SNAPC3: variants seen among roughly 807,000 people sequenced by gnomAD.
The protein encoded by SNAPC3 is small nuclear RNA activating complex polypeptide 3.
In SNAPC3, 56 loss-of-function variants were observed where a neutral mutation model predicts 47.7. The observed-to-expected ratio is 1.18, with a 90% CI of 0.95 to 1.47. The LOEUF is 1.47. SNAPC3 is among the 40% of genes most tolerant of loss of function. The pLI is 0.00. For synonymous variants in SNAPC3, 235 were observed against 189.9 expected, an observed-to-expected ratio of 1.24 and a Z score of -1.95; for missense variants, 665 against 511.3, an observed-to-expected ratio of 1.30 and a Z score of -2.90.
chr9:15,430,131 C>G (rs1483312414), intron 2 of SNAPC3, among the ~76,000 whole-genome samples: 4 of 152,192 alleles, frequency 2.6e-5, no homozygotes, highest in African/African-American at 7.2e-5. Context: ...ACATTCATAA[C>G]ATAGAATATT....
chr9:15,426,321 A>G (rs1454287777), intron 2 of SNAPC3, among the ~76,000 whole-genome samples: 1 of 152,124 alleles, frequency 6.6e-6, no homozygotes, highest in Non-Finnish European at 1.5e-5. Flanking sequence ...AGTCTTAGCT[A>G]AAGGACTACG....
At position 15,458,079 on chromosome 9, in the gene SNAPC3, T is replaced by G. The variant is rs760949409; in HGVS notation, c.1088+12T>G. 5.2e-6 allele frequency: 7 copies of G among 1,347,504 alleles called. No individual in the cohort carries two copies. In the East Asian group the frequency reaches 1.8e-4, roughly 35 times the overall value. The allele number at this position is 1,347,504 out of a possible 1,614,324, so 83.5% of individuals were successfully genotyped here. On this transcript the variant is annotated intron_variant, in intron 8 of 8. Transcript: ENST00000380821. The stretch of plus-strand genomic sequence containing the variant: ...ATGTATACAGCCAGGTGAGTGATAA[T>G]GTATTTTTTTTTTTCTCTGAGAAAT...
intron 5 of SNAPC3, among the ~76,000 whole-genome samples, chr9:15,447,598 A>G (rs1345732771): frequency 1.3e-5 from 2 of 151,882 alleles, no homozygotes; most frequent in African/African-American, 4.8e-5. Flanking sequence ...ATCTCAGCTC[A>G]ATAGTGACCA....
At chr9:15,442,327 GGCTGGACGGGGCGGCT>G (rs1007400970) in intron 3 of SNAPC3, among the ~76,000 whole-genome samples, 1 of 149,596 alleles carries the variant, frequency 6.7e-6, no homozygotes, top group African/African-American at 2.5e-5. Context: ...CAGGGAGGCT[GGCTGGACGGGGCGGCT>G]GCCGGGCAGA....
chr9:15,459,547 TTGG>T (rs774322244), intron 8 of SNAPC3, among the ~76,000 whole-genome samples, 169 bp from the exon 9 acceptor site: 9 of 152,302 alleles, frequency 5.9e-5, no homozygotes, highest in South Asian at 2.1e-4. Context: ...AGAGAGAGTA[TTGG>T]TGGTGATGTA....
chr9:15,447,517 G>GT (rs60318769), intron 5 of SNAPC3, among the ~76,000 whole-genome samples: 105,735 of 150,290 alleles, frequency 0.7, 39,214 homozygotes, highest in Admixed American at 0.82. Flanking sequence ...TTTCTTTTTT[G>GT]TTTTTTTTTG....
At chr9:15,428,553 A>G (rs991985358) in intron 2 of SNAPC3, among the ~76,000 whole-genome samples, 10 of 152,056 alleles carry the variant, frequency 6.6e-5, no homozygotes, top group African/African-American at 2.4e-4. Flanking sequence ...TACTCCAAAC[A>G]GAATTGAATA....
chr9:15,459,820 G>A lies in SNAPC3; in HGVS notation c.1190G>A (p.Gly397Glu). 6 of 1,613,436 alleles carry A rather than the reference G, an allele frequency of 3.7e-6. No individual in the cohort carries two copies. The highest frequency in any genetic ancestry group is 4.2e-6 in the Non-Finnish European group (5 of 1,179,750). The change falls in exon 9 of 9, where the codon GGG (glycine) becomes GAG (glutamate). Residue 397 changes from glycine to glutamate, a missense_variant. Transcript: ENST00000380821. Reference sequence around the variant, plus strand: ...TATGATTCAGAAGGCAACAAACTGGGGGAATTCCTTGCTTATCCTTATGTT... The same window carrying A: ...TATGATTCAGAAGGCAACAAACTGGAGGAATTCCTTGCTTATCCTTATGTT... ...LHYDSEGNKL[G>E]EFLAYPYVDP...
At chr9:15,455,425 G>T (rs1020608194) in intron 7 of SNAPC3, among the ~76,000 whole-genome samples, 11 of 152,162 alleles carry the variant, frequency 7.2e-5, no homozygotes, top group African/African-American at 2.7e-4. Flanking sequence ...AAATTAGCCA[G>T]GTGTGGTGAT....
chr9:15,439,081 C>T (rs554443374), intron 3 of SNAPC3, among the ~76,000 whole-genome samples: 17 of 152,176 alleles, frequency 1.1e-4, no homozygotes, highest in African/African-American at 3.1e-4. Context: ...GCCATCACTG[C>T]GCATTGCTGC....
intron 3 of SNAPC3, among the ~76,000 whole-genome samples, chr9:15,443,397 GTT>G (rs1015750384): frequency 2.0e-5 from 3 of 152,132 alleles, no homozygotes; most frequent in African/African-American, 7.2e-5. Flanking sequence ...TGATTTATAT[GTT>G]TTTTTGAGAA....
intron 2 of SNAPC3, among the ~76,000 whole-genome samples, chr9:15,424,393 G>T (rs952185747): frequency 1.3e-5 from 2 of 151,910 alleles, no homozygotes; most frequent in Non-Finnish European, 2.9e-5. Context: ...TTAGATCTGG[G>T]GGGCAACCTA....
intron 7 of SNAPC3, chr9:15,453,410 G>T (rs891032061): frequency 2.2e-6 from 1 of 444,786 alleles, no homozygotes; most frequent in Non-Finnish European, 3.9e-6. Flanking sequence ...CATTATTTTG[G>T]AAAATCTTTA....
chr9:15,443,622 T>C (rs374207287), intron 3 of SNAPC3, among the ~76,000 whole-genome samples: 114 of 152,306 alleles, frequency 7.5e-4, no homozygotes, highest in African/African-American at 2.4e-3. Context: ...TCTTCCAATA[T>C]AGATCCTGCT....
In SNAPC3 at chr9:15,435,429, C is replaced by T. The variant is rs371539637; in HGVS notation, c.477+1793C>T. ...CTCTACTAAAAATACAAAAATTAGC[C>T]GGGCGTGGTGGCATCCCCCTGTAAT... On this transcript the variant is annotated intron_variant, in intron 3 of 8. Transcript: ENST00000380821. Among the ~76,000 whole-genome samples the T allele has an allele frequency of 3.9e-5, 6 of 152,158 alleles. No individual in the cohort carries two copies. In the East Asian group the frequency reaches 9.7e-4, roughly 25 times the overall value.
chr9:15,424,036 CATT>C (rs1563836434), intron 2 of SNAPC3, 50 bp downstream of exon 2: 6 of 1,112,514 alleles, frequency 5.4e-6, no homozygotes, highest in Admixed American at 2.5e-5. Flanking sequence ...ATTTTTTCAA[CATT>C]ATGTTTTGAA....
intron 2 of SNAPC3, among the ~76,000 whole-genome samples, chr9:15,430,437 CAAAAAG>C (rs1259281857): frequency 6.6e-6 from 1 of 151,518 alleles, no homozygotes; most frequent in Non-Finnish European, 1.5e-5. Flanking sequence ...GTCAAAAAAA[CAAAAAG>C]AAAATAAATT....
At chr9:15,431,964 ATAT>A (rs2032217944) in intron 2 of SNAPC3, 1 of 132,636 alleles carries the variant, frequency 7.5e-6, no homozygotes, top group East Asian at 2.1e-4. Flanking sequence ...AATCTTAAAT[ATAT>A]TGTTCCGATT....
At chr9:15,429,436 C>T (rs1211757121) in intron 2 of SNAPC3, among the ~76,000 whole-genome samples, 2 of 151,978 alleles carry the variant, frequency 1.3e-5, no homozygotes, top group Non-Finnish European at 2.9e-5. Context: ...ATTTGTGTAA[C>T]CGTTGGGTAT....
Sources: allele counts gnomAD v4.1 joint callset (sites outside exome capture counted in the v4.1 genomes callset), GRCh38; gene constraint gnomAD v4.1.1; transcripts MANE v1.5; gene names NCBI Gene and HGNC (gene_info 2026-07-23, HGNC 2026-07-21).